The following DPP6 variants were observed in gnomAD, a reference collection of about 807,000 sequenced individuals.
DPP6 encodes dipeptidyl peptidase like 6.
DPP6 carries 69 observed loss-of-function variants against 122.6 expected under a neutral mutation model. The observed-to-expected ratio is 0.56, with a 90% CI of 0.46 to 0.69. The LOEUF is 0.69. Among genes scored for constraint, DPP6 ranks in the 30% least tolerant of loss-of-function variants. DPP6 has a pLI of 0.00. For missense variants in DPP6, 928 were observed against 1,116.9 expected, an observed-to-expected ratio of 0.83 and a Z score of 2.41; for synonymous variants, 418 against 433.1, an observed-to-expected ratio of 0.97 and a Z score of 0.43.
Position 153,928,396 on chromosome 7 carries a change from A to ATTTTTTTTTTTTTTT in DPP6, c.51+40673_51+40687dup, listed in dbSNP as rs71182854. 8.5e-3 allele frequency among the ~76,000 whole-genome samples: 370 copies of ATTTTTTTTTTTTTTT among 43,652 alleles called. 69 individuals are homozygous for ATTTTTTTTTTTTTTT. Among genetic ancestry groups the ATTTTTTTTTTTTTTT allele is most frequent in the Non-Finnish European group, 0.013 (292 of 22,838 alleles). 28.6% of individuals were successfully genotyped at this position (43,652 alleles called of 152,430 possible). A position where few individuals can be genotyped will look rare whatever the true frequency, so the allele number is the denominator to read the frequency against. On this transcript the variant is annotated intron_variant, in intron 1 of 25. Transcript: ENST00000404039. ...CTGGCTAATTTTTTTCTTTTCTTTCATTTTTTTTTTTTTTTTTTTTTTTTT... is the reference window on the plus strand; with the variant it reads ...CTGGCTAATTTTTTTCTTTTCTTTCATTTTTTTTTTTTTTTTTTTTTTTTTTTTTTTTTTTTTTTT...
At chr7:154,066,390 A>C (rs778401668) in intron 1 of DPP6, among the ~76,000 whole-genome samples, 1 of 152,090 alleles carries the variant, frequency 6.6e-6, no homozygotes, top group Non-Finnish European at 1.5e-5. Flanking sequence ...GCCACATTGC[A>C]ATTAAATGGA....
intron 1 of DPP6, among the ~76,000 whole-genome samples, chr7:154,082,920 C>T (rs150638734): frequency 0.34 from 49,646 of 147,030 alleles, 9,621 homozygotes; most frequent in South Asian, 0.44. Flanking sequence ...GTGATCTCAG[C>T]TCACTGCAAG....
At chr7:154,522,362 C>A (rs1827064640) in intron 3 of DPP6, among the ~76,000 whole-genome samples, 1 of 152,100 alleles carries the variant, frequency 6.6e-6, no homozygotes, top group African/African-American at 2.4e-5. Flanking sequence ...AAGTTGCCAG[C>A]GTAAGTTGGA....
intron 1 of DPP6, among the ~76,000 whole-genome samples, chr7:154,187,929 A>G (rs1049664979): frequency 3.3e-5 from 5 of 152,204 alleles, no homozygotes; most frequent in African/African-American, 1.2e-4. Flanking sequence ...TACATGCTCA[A>G]TAAAGCTCAC....
At chr7:154,339,850 G>A (rs1221474279) in intron 1 of DPP6, among the ~76,000 whole-genome samples, 3 of 152,060 alleles carry the variant, frequency 2.0e-5, no homozygotes, top group African/African-American at 7.2e-5. Context: ...TGAGATGGGC[G>A]GATCACGAGG....
chr7:154,731,883 G>A (rs1314335950), intron 8 of DPP6, among the ~76,000 whole-genome samples: 1 of 152,116 alleles, frequency 6.6e-6, no homozygotes, highest in Admixed American at 6.5e-5. Context: ...TTTGATGCAG[G>A]GCTCAGTAAT....
the DPP6 span, among the ~76,000 whole-genome samples, chr7:153,831,788 T>C: frequency 1.4e-4 from 21 of 152,290 alleles, no homozygotes; most frequent in Non-Finnish European, 2.2e-4. Context: ...ATGAGGCGAT[T>C]GTTTGCAGAC....
chr7:153,795,566 A>T, the DPP6 span, among the ~76,000 whole-genome samples: 1 of 151,832 alleles, frequency 6.6e-6, no homozygotes, highest in Non-Finnish European at 1.5e-5. Context: ...GGTTTTATTT[A>T]TTTTCTCCAT....
chr7:154,199,697 C>A (rs1275618444), intron 1 of DPP6, among the ~76,000 whole-genome samples: 1 of 151,820 alleles, frequency 6.6e-6, no homozygotes, highest in Non-Finnish European at 1.5e-5. Context: ...GCAAGGTCCG[C>A]CTCCTGGGTT....
chr7:154,740,634 A>G (rs1842775614), intron 8 of DPP6, among the ~76,000 whole-genome samples: 1 of 152,228 alleles, frequency 6.6e-6, no homozygotes, highest in South Asian at 2.1e-4. Flanking sequence ...CGTTGATGGT[A>G]TGAAGTCTGT....
At chr7:154,593,086 C>T (rs6946890) in intron 5 of DPP6, among the ~76,000 whole-genome samples, 91,823 of 152,012 alleles carry the variant, frequency 0.6, 28,182 homozygotes, top group African/African-American at 0.7. Flanking sequence ...CCAGGCCCCA[C>T]GTTAATTGTG....
chr7:154,510,543 CA>C (rs370100457), intron 3 of DPP6, among the ~76,000 whole-genome samples: 3 of 151,876 alleles, frequency 2.0e-5, no homozygotes, highest in East Asian at 3.9e-4. Flanking sequence ...ATTAAAAATA[CA>C]AAAAATTAGC....
intron 1 of DPP6, among the ~76,000 whole-genome samples, chr7:153,898,083 T>C (rs188542037): frequency 7.9e-5 from 12 of 152,302 alleles, no homozygotes; most frequent in Non-Finnish European, 1.6e-4. Context: ...AACAGACAGA[T>C]AGAAGGAATA....
At chr7:154,145,674 G>A (rs1187998566) in intron 1 of DPP6, among the ~76,000 whole-genome samples, 1 of 124,118 alleles carries the variant, frequency 8.1e-6, no homozygotes, top group Non-Finnish European at 1.7e-5. Context: ...GGGCATCGCA[G>A]ACAGCGGTTT....
intron 8 of DPP6, among the ~76,000 whole-genome samples, chr7:154,769,107 G>A (rs1029402299): frequency 1.3e-5 from 2 of 152,176 alleles, no homozygotes; most frequent in Non-Finnish European, 2.9e-5. Flanking sequence ...AAAAGGACGT[G>A]TTGGGCTCAT....
chr7:153,831,822 A>G, the DPP6 span, among the ~76,000 whole-genome samples: 2 of 152,146 alleles, frequency 1.3e-5, no homozygotes, highest in Non-Finnish European at 2.9e-5. Flanking sequence ...CCAGAGAGGG[A>G]AGAAGATGAG....
At chr7:153,808,436 TGTGTGC>T in the DPP6 span, among the ~76,000 whole-genome samples, 3 of 151,922 alleles carry the variant, frequency 2.0e-5, no homozygotes, top group Admixed American at 6.6e-5. Context: ...TGTGACTGTG[TGTGTGC>T]GTGTGTGTGT....
intron 1 of DPP6, among the ~76,000 whole-genome samples, chr7:154,230,785 TTGAC>T (rs1800876170): frequency 6.6e-6 from 1 of 152,226 alleles, no homozygotes; most frequent in Non-Finnish European, 1.5e-5. Flanking sequence ...CTCAAAAACA[TTGAC>T]TGAATGAGCC....
At chr7:154,356,633 C>T (rs1342515901) in intron 1 of DPP6, among the ~76,000 whole-genome samples, 1 of 152,014 alleles carries the variant, frequency 6.6e-6, no homozygotes, top group East Asian at 1.9e-4. Context: ...TCAGACAATT[C>T]TATCTAAGAA....
Sources: allele counts gnomAD v4.1 joint callset (sites outside exome capture counted in the v4.1 genomes callset), GRCh38; gene constraint gnomAD v4.1.1; transcripts MANE v1.5; gene names NCBI Gene and HGNC (gene_info 2026-07-23, HGNC 2026-07-21).